The following VPS53 variants were observed in gnomAD, a reference collection of about 807,000 sequenced individuals.
VPS53 encodes VPS53 subunit of GARP complex, also known as vacuolar protein sorting-associated protein 53 homolog.
In VPS53, 70 loss-of-function variants were observed where a neutral mutation model predicts 107.0. The ratio of observed to expected loss-of-function variants is 0.65; its 90% CI spans 0.54 to 0.80. The LOEUF (loss-of-function observed/expected upper bound fraction) is 0.80, where lower values mean the gene tolerates loss of function less well. Among genes scored for constraint, VPS53 ranks in the 30% least tolerant of loss-of-function variants. The pLI, the probability that VPS53 is intolerant of heterozygous loss-of-function variation, is 0.00. For missense variants in VPS53, 917 were observed against 1,049.4 expected, an observed-to-expected ratio of 0.87 and a Z score of 1.74; for synonymous variants, 409 against 393.3, an observed-to-expected ratio of 1.04 and a Z score of -0.47.
rs1967305224 is a variant in VPS53 at position 586,216 on chromosome 17, A to G, written c.1313+54T>C. The G allele has an allele frequency of 1.9e-6, 3 of 1,555,696 alleles. No individual in the cohort carries two copies. The Admixed American group carries it at 5.0e-5, about 26-fold the overall frequency. On this transcript the variant is annotated intron_variant, in intron 13 of 21. Coordinates refer to ENST00000437048, the MANE Select transcript of VPS53 (RefSeq NM_001128159.3). Reference sequence around the variant, plus strand: ...AGCTGTGCGCTCCTAAGACCCAGTCATGACCAGAGCGGCGAGAAATGCAGG... The same window carrying G: ...AGCTGTGCGCTCCTAAGACCCAGTCGTGACCAGAGCGGCGAGAAATGCAGG...
At chr17:697,025 G>A (rs532788081) in intron 4 of VPS53, among the ~76,000 whole-genome samples, 5 of 152,132 alleles carry the variant, frequency 3.3e-5, no homozygotes, top group Non-Finnish European at 7.3e-5. Flanking sequence ...AGCGAGGTAC[G>A]AGGAAATGGT....
chr17:560,569 T>C lies in VPS53; in HGVS notation c.1561A>G (p.Thr521Ala), dbSNP rs1229534616. ...KILSGNLPKT[T>A]TSSGGLTISS... ...ATAGTCAGTCCTCCACTGCTGGTTG[T>C]GGTTCTGAAGAAAAGGAACAGGAAC... Residue 521 changes from threonine (T) to alanine (A), a missense_variant, in exon 15 of 22, where the codon ACA (threonine) becomes GCA (alanine). By Grantham distance (58) the Thr-to-Ala change is moderately conservative. Coordinates refer to ENST00000437048, the MANE Select transcript of VPS53 (RefSeq NM_001128159.3). The C allele has an allele frequency of 6.2e-7, 1 of 1,613,610 alleles. No homozygotes were observed. Among genetic ancestry groups the C allele is most frequent in the South Asian group, 1.1e-5 (1 of 90,980 alleles).
At chr17:687,381 T>C (rs1972624416) in intron 4 of VPS53, among the ~76,000 whole-genome samples, 1 of 150,832 alleles carries the variant, frequency 6.6e-6, no homozygotes. Flanking sequence ...ATCGAGACCA[T>C]CCTGGCCAAC....
intron 4 of VPS53, among the ~76,000 whole-genome samples, chr17:672,385 G>A (rs1296606980): frequency 2.0e-5 from 3 of 152,118 alleles, no homozygotes; most frequent in Middle Eastern, 6.3e-3. Context: ...CTGCAACCAA[G>A]AGAGTCTTGA....
chr17:643,830 A>C (rs1441829954), intron 7 of VPS53, among the ~76,000 whole-genome samples: 1 of 152,228 alleles, frequency 6.6e-6, no homozygotes, highest in Admixed American at 6.5e-5. Context: ...CATACTTGGA[A>C]ACCGAGGACA....
chr17:696,203 T>C (rs1427793598), intron 4 of VPS53, among the ~76,000 whole-genome samples: 3 of 151,996 alleles, frequency 2.0e-5, no homozygotes, highest in African/African-American at 7.3e-5. Flanking sequence ...GGCTATCAAA[T>C]GGAAAGTGAC....
chr17:670,414 A>G (rs1971887503), intron 4 of VPS53, among the ~76,000 whole-genome samples: 1 of 152,190 alleles, frequency 6.6e-6, no homozygotes, highest in Admixed American at 6.5e-5. Flanking sequence ...AATGGTAACC[A>G]CTACTCTGAA....
Position 701,446 on chromosome 17 carries a change from C to T in VPS53, c.169-2066G>A, listed in dbSNP as rs140915796. Among the ~76,000 whole-genome samples, 655 of 150,968 alleles carry T rather than the reference C, an allele frequency of 4.3e-3. 8 individuals are homozygous for T. Among genetic ancestry groups the T allele is most frequent in the African/African-American group, 0.015 (618 of 41,154 alleles). On this transcript the variant is annotated intron_variant, in intron 2 of 21. Coordinates refer to ENST00000437048, the MANE Select transcript of VPS53 (RefSeq NM_001128159.3). ...AGGCTGGAGTGCAATGGCGCGATCT[C>T]GGCTCACTGCAACCTCCGACTCCCT...
chr17:664,584 T>C (rs1049685007), intron 4 of VPS53, among the ~76,000 whole-genome samples: 2 of 152,036 alleles, frequency 1.3e-5, no homozygotes, highest in African/African-American at 4.8e-5. Context: ...TAAGTGCCAA[T>C]GAGAAGCCAC....
At chr17:621,049 A>C (rs900321061) in intron 11 of VPS53, among the ~76,000 whole-genome samples, 1 of 152,208 alleles carries the variant, frequency 6.6e-6, no homozygotes, top group Non-Finnish European at 1.5e-5. Flanking sequence ...ATTTCCAAAA[A>C]AACTATACCA....
At chr17:599,576 C>T (rs886353395) in intron 12 of VPS53, among the ~76,000 whole-genome samples, 22 of 149,878 alleles carry the variant, frequency 1.5e-4, no homozygotes, top group African/African-American at 5.1e-4. Context: ...GAGTCATCAC[C>T]ACTCCCTAAT....
At chr17:618,536 G>A (rs1969276374) in intron 11 of VPS53, among the ~76,000 whole-genome samples, 2 of 151,398 alleles carry the variant, frequency 1.3e-5, no homozygotes, top group African/African-American at 4.9e-5. Flanking sequence ...GGGTAGCTGG[G>A]ACTACAGGCA....
intron 11 of VPS53, among the ~76,000 whole-genome samples, chr17:608,089 A>G (rs1447188395): frequency 1.3e-5 from 2 of 152,092 alleles, no homozygotes; most frequent in African/African-American, 4.8e-5. Flanking sequence ...CTCCAGCCCA[A>G]TTCCTAATTG....
intron 19 of VPS53, among the ~76,000 whole-genome samples, chr17:529,436 T>G (rs1909367753): frequency 6.6e-6 from 1 of 152,032 alleles, no homozygotes; most frequent in African/African-American, 2.4e-5. Context: ...CTGCTGGGAT[T>G]CTACTGTATC....
intron 2 of VPS53, among the ~76,000 whole-genome samples, chr17:699,769 C>T (rs959066194): frequency 2.6e-5 from 4 of 152,136 alleles, no homozygotes; most frequent in East Asian, 1.9e-4. Flanking sequence ...GACAAATTCA[C>T]GTAACGAAAT....
At chr17:631,485 G>C in intron 8 of VPS53, 65 bp downstream of exon 8, 1 of 1,503,056 alleles carries the variant, frequency 6.7e-7, no homozygotes, top group South Asian at 1.1e-5. Flanking sequence ...ATGGTGACTG[G>C]GGTGAGCGTG....
Position 514,761 on chromosome 17 carries a change from G to A in VPS53, c.*4367C>T. 6.6e-6 allele frequency: 1 copy of A among 152,658 alleles called. No individual in the cohort carries two copies. The highest frequency in any genetic ancestry group is 2.1e-4 in the South Asian group (1 of 4,834). 9.5% of individuals were successfully genotyped at this position (152,658 alleles called of 1,614,324 possible). A position where few individuals can be genotyped will look rare whatever the true frequency, so the allele number is the denominator to read the frequency against. ...TGCGTGCCCTGTACTGGTCATGCTG[G>A]TCTCAGCTTGTCTGCTCTCAGTCCT... On this transcript the variant is annotated 3_prime_UTR_variant, in exon 22 of 22. Transcript: ENST00000437048.
At chr17:562,774 T>C (rs372174559) in intron 13 of VPS53, 29 bp from the exon 14 acceptor site, 1 of 1,586,266 alleles carries the variant, frequency 6.3e-7, no homozygotes, top group Non-Finnish European at 8.6e-7. Context: ...ACCAAAAATG[T>C]TATTTTACTT....
At chr17:571,157 C>A (rs1914003074) in intron 13 of VPS53, among the ~76,000 whole-genome samples, 1 of 127,376 alleles carries the variant, frequency 7.9e-6, no homozygotes, top group Non-Finnish European at 1.6e-5. Flanking sequence ...TACAAAAAAA[C>A]AAAAATTAGA....
Sources: gnomAD v4.1 joint callset for allele counts (sites outside exome capture counted in the v4.1 genomes callset) on GRCh38, gnomAD v4.1.1 for gene constraint, MANE v1.5 for transcripts, NCBI Gene and HGNC (gene_info 2026-07-23, HGNC 2026-07-21) for gene names.